The following ZDHHC21 variants were observed in gnomAD, a reference collection of about 807,000 sequenced individuals.
ZDHHC21 encodes zDHHC palmitoyltransferase 21.
A neutral mutation model predicts 34.6 loss-of-function variants in ZDHHC21; 15 were observed. That is an observed-to-expected ratio of 0.43 (90% CI 0.29 to 0.67). The LOEUF (loss-of-function observed/expected upper bound fraction) is 0.67, where lower values mean the gene tolerates loss of function less well. Among genes scored for constraint, ZDHHC21 ranks in the 30% least tolerant of loss-of-function variants. ZDHHC21 has a pLI of 0.14. For missense variants in ZDHHC21, 344 were observed against 327.7 expected, an observed-to-expected ratio of 1.05 and a Z score of -0.38; for synonymous variants, 142 against 101.8, an observed-to-expected ratio of 1.40 and a Z score of -2.38.
At chr9:14,591,284 TAGG>T in the ZDHHC21 span, among the ~76,000 whole-genome samples, 1 of 152,222 alleles carries the variant, frequency 6.6e-6, no homozygotes, top group Non-Finnish European at 1.5e-5. Flanking sequence ...GCGTGACCTT[TAGG>T]AGATTATTAG....
chr9:14,669,399 T>C (rs1165757864), intron 5 of ZDHHC21, among the ~76,000 whole-genome samples: 1 of 140,918 alleles, frequency 7.1e-6, no homozygotes, highest in Non-Finnish European at 1.6e-5. Flanking sequence ...TTTTACACTG[T>C]TGGTGGGACT....
chr9:14,648,521 CAACAACAGTG>C (rs1273882786), intron 7 of ZDHHC21, among the ~76,000 whole-genome samples: 1 of 152,092 alleles, frequency 6.6e-6, no homozygotes, highest in Non-Finnish European at 1.5e-5. Context: ...TTGAGAATGT[CAACAACAGTG>C]ACTTGCTTGA....
the ZDHHC21 span, among the ~76,000 whole-genome samples, chr9:14,604,751 C>G: frequency 6.6e-6 from 1 of 152,110 alleles, no homozygotes; most frequent in Non-Finnish European, 1.5e-5. Context: ...TTTAAATATA[C>G]AGTACGGTAC....
intron 8 of ZDHHC21, among the ~76,000 whole-genome samples, chr9:14,629,497 C>A (rs1043880318): frequency 6.6e-6 from 1 of 152,042 alleles, no homozygotes; most frequent in African/African-American, 2.4e-5. Flanking sequence ...TGCAATAAAG[C>A]CGGTAGCAAA....
chr9:14,622,643 T>C (rs1825502371), intron 8 of ZDHHC21: 1 of 985,000 alleles, frequency 1.0e-6, no homozygotes. Context: ...CTTTGCCACA[T>C]ATGTTGTCAT....
intron 5 of ZDHHC21, among the ~76,000 whole-genome samples, chr9:14,669,235 A>G (rs1449081755): frequency 6.9e-6 from 1 of 144,860 alleles, no homozygotes; most frequent in Non-Finnish European, 1.5e-5. Flanking sequence ...TTATGCAGCC[A>G]AAAGACACAT....
intron 2 of ZDHHC21, among the ~76,000 whole-genome samples, chr9:14,685,309 C>G (rs1221028626): frequency 6.6e-6 from 1 of 151,802 alleles, no homozygotes; most frequent in South Asian, 2.1e-4. Context: ...ACTCATCTGA[C>G]AAAGGGCTAA....
chr9:14,657,143 T>C (rs558562475), intron 7 of ZDHHC21, among the ~76,000 whole-genome samples: 2 of 152,090 alleles, frequency 1.3e-5, no homozygotes, highest in Non-Finnish European at 2.9e-5. Flanking sequence ...GTCTTAATAC[T>C]TCATTTGATT....
Position 14,618,907 on chromosome 9 carries a change from A to G in ZDHHC21, c.*59T>C. On this transcript the variant is annotated 3_prime_UTR_variant, in exon 10 of 10. Coordinates refer to ENST00000380916, the MANE Select transcript of ZDHHC21 (RefSeq NM_178566.6). ...TGAAGACTGTCATAGTTCTATTATC[A>G]TAAAACCTGTAACGCATTGCCAGCA... The G allele has an allele frequency of 6.7e-7, 1 of 1,498,518 alleles. No individual in the cohort carries two copies. The highest frequency in any genetic ancestry group is 8.9e-7 in the Non-Finnish European group (1 of 1,121,104). 92.8% of individuals were successfully genotyped at this position (1,498,518 alleles called of 1,614,324 possible). A position where few individuals can be genotyped will look rare whatever the true frequency, so the allele number is the denominator to read the frequency against.
intron 5 of ZDHHC21, among the ~76,000 whole-genome samples, chr9:14,664,454 G>A (rs2133972542): frequency 6.6e-6 from 1 of 151,822 alleles, no homozygotes; most frequent in Non-Finnish European, 1.5e-5. Context: ...CATTGCCCAG[G>A]CTTGCTTAGG....
At chr9:14,637,185 A>T (rs1828460342) in intron 8 of ZDHHC21, among the ~76,000 whole-genome samples, 1 of 152,040 alleles carries the variant, frequency 6.6e-6, no homozygotes. Context: ...GACAGGACCC[A>T]AGTAAATAAA....
At chr9:14,609,998 G>C (rs1288183021), downstream of ZDHHC21, among the ~76,000 whole-genome samples, 1 of 152,008 alleles carries the variant, frequency 6.6e-6, no homozygotes, top group Non-Finnish European at 1.5e-5. Flanking sequence ...GCAGACATGA[G>C]AGCTTTGCAG....
At chr9:14,591,236 A>C in the ZDHHC21 span, among the ~76,000 whole-genome samples, 9 of 152,172 alleles carry the variant, frequency 5.9e-5, no homozygotes, top group Admixed American at 3.3e-4. Flanking sequence ...TCCAAAATTC[A>C]TGTTGATATA....
At chr9:14,657,683 G>A (rs989704442) in intron 7 of ZDHHC21, among the ~76,000 whole-genome samples, 3 of 152,074 alleles carry the variant, frequency 2.0e-5, no homozygotes, top group African/African-American at 7.2e-5. Context: ...GCAGAGGGCT[G>A]AATTTAAACC....
chr9:14,618,796 T>C lies in ZDHHC21; in HGVS notation c.*170A>G. 2 of 586,488 alleles carry C rather than the reference T, an allele frequency of 3.4e-6. No homozygotes were observed. The highest frequency in any genetic ancestry group is 5.1e-6 in the Non-Finnish European group (2 of 390,524). 36.3% of individuals were successfully genotyped at this position (586,488 alleles called of 1,614,324 possible). On this transcript the variant is annotated 3_prime_UTR_variant, in exon 10 of 10. Transcript: ENST00000380916. ...AACTTAAATATAGATCTTGTATTAG[T>C]CCCACAACAGGATCAAGATCACTAT...
the ZDHHC21 span, among the ~76,000 whole-genome samples, chr9:14,599,594 G>A: frequency 1.3e-5 from 2 of 151,834 alleles, no homozygotes; most frequent in African/African-American, 2.4e-5. Flanking sequence ...TGGAATGTCA[G>A]CAAGACAGAA....
chr9:14,682,916 A>G (rs1837627938), intron 2 of ZDHHC21, among the ~76,000 whole-genome samples: 1 of 152,236 alleles, frequency 6.6e-6, no homozygotes, highest in African/African-American at 2.4e-5. Flanking sequence ...TGGAAACTGA[A>G]CAACCTGCTC....
intron 2 of ZDHHC21, among the ~76,000 whole-genome samples, chr9:14,688,072 A>G (rs913132123): frequency 6.6e-6 from 1 of 150,512 alleles, no homozygotes; most frequent in Non-Finnish European, 1.5e-5. Context: ...TAGGAATTCA[A>G]TTTTTTAAAT....
At chr9:14,693,152 G>T (rs1839423278) in intron 1 of ZDHHC21, 77 bp downstream of exon 1, 3 of 238,952 alleles carry the variant, frequency 1.3e-5, no homozygotes, top group South Asian at 1.1e-4. Flanking sequence ...GCGGAGCGGG[G>T]GCCGGGGATG....
Sources: allele counts gnomAD v4.1 joint callset (sites outside exome capture counted in the v4.1 genomes callset), GRCh38; gene constraint gnomAD v4.1.1; transcripts MANE v1.5; gene names NCBI Gene and HGNC (gene_info 2026-07-23, HGNC 2026-07-21).